Variants in TRPM2 observed in about 807,000 individuals in gnomAD.
TRPM2 encodes estrogen-responsive element-associated gene 1 protein.
Under a neutral mutation model 174.0 loss-of-function variants are expected in TRPM2, and 161 were observed. The observed-to-expected ratio is 0.93, with a 90% CI of 0.81 to 1.05. TRPM2 has a LOEUF of 1.05. Among genes scored for constraint, TRPM2 ranks in the 50% least tolerant of loss-of-function variants. The pLI is 0.00. For missense variants in TRPM2, 2,057 were observed against 2,038.0 expected, an observed-to-expected ratio of 1.01 and a Z score of -0.18; for synonymous variants, 954 against 861.3, an observed-to-expected ratio of 1.11 and a Z score of -1.88.
chr21:44,419,523 C>T (rs1454342639), intron 22 of TRPM2, among the ~76,000 whole-genome samples: 10 of 1,844 alleles, frequency 5.4e-3, no homozygotes, highest in African/African-American at 0.014. Context: ...GTAGTGGGGG[C>T]GGTGGTGGTG....
chr21:44,360,807 T>C (rs530103940), intron 2 of TRPM2, among the ~76,000 whole-genome samples: 4 of 152,096 alleles, frequency 2.6e-5, no homozygotes, highest in Non-Finnish European at 5.9e-5. Context: ...CCTCAACTGA[T>C]CTGCCTGCCT....
intron 20 of TRPM2, among the ~76,000 whole-genome samples, chr21:44,414,344 C>A (rs1488685155): frequency 6.6e-6 from 1 of 152,226 alleles, no homozygotes; most frequent in Non-Finnish European, 1.5e-5. Context: ...CCACAAGGGC[C>A]CTGCTCACGG....
intron 16 of TRPM2, among the ~76,000 whole-genome samples, chr21:44,403,814 T>C (rs1041462025): frequency 1.7e-4 from 25 of 147,948 alleles, no homozygotes; most frequent in African/African-American, 4.8e-4. Flanking sequence ...AACACATGTA[T>C]ACACATGCAC....
Position 44,376,279 on chromosome 21 carries a change from G to C in TRPM2, c.952+266G>C, listed in dbSNP as rs569179486. On this transcript the variant is annotated intron_variant, in intron 6 of 31. Transcript: ENST00000397928. This position sits in a 1 kb window ranked among gnomAD's most constrained non-coding sequence, Gnocchi z 4.2. The stretch of plus-strand genomic sequence containing the variant: ...TCGGAACGTCCTCAGAACACACCTG[G>C]GTTTCTTTCCCGTGTCTCTTTATAC... Among the ~76,000 whole-genome samples the C allele has an allele frequency of 6.6e-6, 1 of 152,328 alleles. No homozygotes were observed. The highest frequency in any genetic ancestry group is 6.5e-5 in the Admixed American group (1 of 15,304).
chr21:44,411,749 A>T (rs773524009), intron 19 of TRPM2, among the ~76,000 whole-genome samples: 1 of 152,172 alleles, frequency 6.6e-6, no homozygotes, highest in Admixed American at 6.6e-5. Context: ...AATGTCCTTT[A>T]TCAGGTTGAA....
At position 44,367,958 on chromosome 21, in the gene TRPM2, A is replaced by G. The variant is rs544274067; in HGVS notation, c.604+1024A>G. Among the ~76,000 whole-genome samples, 1 of 152,310 alleles carries G rather than the reference A, an allele frequency of 6.6e-6. No individual in the cohort carries two copies. The highest frequency in any genetic ancestry group is 2.4e-5 in the African/African-American group (1 of 41,566). The stretch of plus-strand genomic sequence containing the variant: ...CTCTTTCTGAAGCTTTGCTGCCTCA[A>G]ATAATGCCATGGATTTGTTCAGGTC... On this transcript the variant is annotated intron_variant, in intron 4 of 31. Coordinates refer to ENST00000397928, the MANE Select transcript of TRPM2 (RefSeq NM_003307.4). The surrounding 1 kb of genome is among the most constrained non-coding windows in gnomAD (Gnocchi z 4.6).
At chr21:44,398,726 A>C (rs1785469) in intron 13 of TRPM2, among the ~76,000 whole-genome samples, 114,975 of 152,060 alleles carry the variant, frequency 0.76, 43,556 homozygotes, top group East Asian at 0.81. Context: ...GCGTCAGTGA[A>C]GCATCAGAAT....
chr21:44,364,077 C>T, intron 2 of TRPM2, 37 bp from the exon 3 acceptor site: 2 of 1,598,486 alleles, frequency 1.3e-6, no homozygotes, highest in Non-Finnish European at 1.7e-6. Flanking sequence ...AGGAAGGGCA[C>T]CACACTCCCT....
chr21:44,435,390 C>T (rs1023967811), intron 28 of TRPM2, among the ~76,000 whole-genome samples, 173 bp downstream of exon 28: 2 of 152,048 alleles, frequency 1.3e-5, no homozygotes, highest in Non-Finnish European at 2.9e-5. Flanking sequence ...TGAATATGCC[C>T]GAAATGGGGC....
intron 16 of TRPM2, among the ~76,000 whole-genome samples, chr21:44,402,245 C>T (rs1366871163): frequency 6.6e-6 from 1 of 152,224 alleles, no homozygotes; most frequent in Non-Finnish European, 1.5e-5. Context: ...TAAGACCCCT[C>T]TCACGTTCAA....
chr21:44,440,956 TGGGCGTGGCCTCCG>T, intron 31 of TRPM2, 51 bp downstream of exon 31: 1 of 1,531,366 alleles, frequency 6.5e-7, no homozygotes, highest in Non-Finnish European at 9.0e-7. Flanking sequence ...GGGACGGGTA[TGGGCGTGGCCTCCG>T]GGGAGGGGGT....
intron 16 of TRPM2, among the ~76,000 whole-genome samples, chr21:44,404,917 GTGA>G (rs369802358): frequency 2.5e-5 from 3 of 121,396 alleles, no homozygotes; most frequent in African/African-American, 5.4e-5. Flanking sequence ...AGCAAGGATA[GTGA>G]TGATAGTGAC....
Position 44,363,002 on chromosome 21 carries a change from G to A in TRPM2, c.255-1112G>A, listed in dbSNP as rs149457349. Among the ~76,000 whole-genome samples the A allele has an allele frequency of 1.1e-3, 168 of 152,326 alleles. 3 individuals carry two copies. In the East Asian group the frequency reaches 0.018, roughly 17 times the overall value. Reference sequence around the variant, plus strand: ...TTGGCCATGTTGGTCTCGAACTCCTGACCTTGTGATCCACCTGCCTCAGCT... The same window carrying A: ...TTGGCCATGTTGGTCTCGAACTCCTAACCTTGTGATCCACCTGCCTCAGCT... On this transcript the variant is annotated intron_variant, in intron 2 of 31. Transcript: ENST00000397928.
At position 44,374,692 on chromosome 21, in the gene TRPM2, G is replaced by T. The variant is rs45472795; in HGVS notation, c.772-1141G>T. Among the ~76,000 whole-genome samples, 1,103 of 152,184 alleles carry T rather than the reference G, an allele frequency of 7.2e-3. 44 individuals carry two copies. The East Asian group carries it at 0.1, about 14-fold the overall frequency. On this transcript the variant is annotated intron_variant, in intron 5 of 31. Coordinates refer to ENST00000397928, the MANE Select transcript of TRPM2 (RefSeq NM_003307.4). ...AGTATTCCCATGAGAATCTAATGCC[G>T]CGGATCTGACAGGAGGTGGAGCTCG... is the stretch of plus-strand genomic sequence containing the variant.
intron 13 of TRPM2, 132 bp downstream of exon 13, chr21:44,398,008 C>T (rs556959205): frequency 6.6e-5 from 76 of 1,150,694 alleles, no homozygotes; most frequent in East Asian, 9.0e-5. Flanking sequence ...CAGCCCTGCA[C>T]GCTTACCCTG....
At chr21:44,371,813 T>C (rs2048549921) in intron 5 of TRPM2, among the ~76,000 whole-genome samples, 1 of 152,168 alleles carries the variant, frequency 6.6e-6, no homozygotes, top group Admixed American at 6.5e-5. Flanking sequence ...TTCTGTCCAC[T>C]CCACAGGCAA....
intron 5 of TRPM2, among the ~76,000 whole-genome samples, chr21:44,372,675 G>T (rs1022344849): frequency 2.0e-5 from 3 of 152,212 alleles, no homozygotes; most frequent in Non-Finnish European, 4.4e-5. Flanking sequence ...GGGAAGAGCA[G>T]GTGTAGCATC....
intron 30 of TRPM2, among the ~76,000 whole-genome samples, chr21:44,440,565 G>A (rs1279469648): frequency 6.6e-6 from 1 of 152,216 alleles, no homozygotes; most frequent in East Asian, 1.9e-4. Flanking sequence ...GCGTTTCCAA[G>A]ATCTCTGCAG....
chr21:44,406,550 T>C (rs766624263), intron 18 of TRPM2, 44 bp from the exon 19 acceptor site: 30 of 1,569,992 alleles, frequency 1.9e-5, no homozygotes, highest in South Asian at 2.3e-5. Context: ...CCAGTGAGCA[T>C]CGGGGGCCAG....
Sources: allele counts gnomAD v4.1 joint callset (sites outside exome capture counted in the v4.1 genomes callset), GRCh38; gene constraint gnomAD v4.1.1; non-coding constraint Gnocchi (gnomAD v3.1); transcripts MANE v1.5; gene names NCBI Gene and HGNC (gene_info 2026-07-23, HGNC 2026-07-21).